Variants in MBP observed in about 807,000 individuals in gnomAD.
The protein encoded by MBP is myelin basic protein.
MBP carries 16 observed loss-of-function variants against 35.8 expected under a neutral mutation model. That is an observed-to-expected ratio of 0.45 (90% CI 0.30 to 0.68). The LOEUF is 0.68. Among genes scored for constraint, MBP ranks in the 30% least tolerant of loss-of-function variants. The probability of loss-of-function intolerance (pLI) is 0.08; values close to 1 mark genes in which losing one functional copy is unlikely to be tolerated. For missense variants in MBP, 380 were observed against 404.7 expected, an observed-to-expected ratio of 0.94 and a Z score of 0.52; for synonymous variants, 143 against 159.6, an observed-to-expected ratio of 0.90 and a Z score of 0.78.
At chr18:77,123,215 T>C (rs8093194) in intron 1 of MBP, among the ~76,000 whole-genome samples, 6,322 of 152,268 alleles carry the variant, frequency 0.042, 329 homozygotes, top group African/African-American at 0.11. Flanking sequence ...TTAGCAAACA[T>C]GGTAGCTTTC....
chr18:77,049,271 G>A (rs776818994), intron 3 of MBP, among the ~76,000 whole-genome samples: 25 of 152,126 alleles, frequency 1.6e-4, no homozygotes, highest in South Asian at 1.5e-3. Flanking sequence ...TGCCTGACGC[G>A]GTTTCTGGGG....
At chr18:77,115,396 TGTCGTCTGG>T (rs1976627749) in intron 1 of MBP, 1 of 152,232 alleles carries the variant, frequency 6.6e-6, no homozygotes, top group African/African-American at 2.4e-5. Flanking sequence ...ACATAAGAGC[TGTCGTCTGG>T]GTCTTGGCTA....
intron 3 of MBP, among the ~76,000 whole-genome samples, chr18:77,053,862 T>C (rs1157553207): frequency 6.6e-6 from 1 of 152,250 alleles, no homozygotes; most frequent in Non-Finnish European, 1.5e-5. Context: ...AACAGACAGA[T>C]GTCCCTGCCT....
chr18:77,130,325 C>T (rs139385648), intron 1 of MBP, among the ~76,000 whole-genome samples: 1 of 152,092 alleles, frequency 6.6e-6, no homozygotes, highest in African/African-American at 2.4e-5. Context: ...GCAGACTCCC[C>T]GGATGGAATC....
chr18:77,023,664 C>T (rs146083942), intron 3 of MBP, among the ~76,000 whole-genome samples: 171 of 152,286 alleles, frequency 1.1e-3, no homozygotes, highest in African/African-American at 3.9e-3. Flanking sequence ...CCTTGTTCTC[C>T]TCCGTGGCGC....
chr18:77,084,493 AGCAACT>A (rs1975141833), intron 2 of MBP, among the ~76,000 whole-genome samples: 1 of 145,310 alleles, frequency 6.9e-6, no homozygotes, highest in Non-Finnish European at 1.5e-5. Context: ...ACAGTTGCCC[AGCAACT>A]GCCTGTCCGG....
intron 3 of MBP, among the ~76,000 whole-genome samples, chr18:77,021,372 T>C (rs1365851996): frequency 6.6e-6 from 1 of 152,150 alleles, no homozygotes; most frequent in African/African-American, 2.4e-5. Flanking sequence ...AAATGCAATT[T>C]CCTCTTGCAT....
At chr18:77,012,105 AG>A (rs1971387271) in intron 4 of MBP, among the ~76,000 whole-genome samples, 1 of 152,262 alleles carries the variant, frequency 6.6e-6, no homozygotes. Context: ...GGGACATGAA[AG>A]GCAGGACCGC....
intron 7 of MBP, chr18:76,986,982 C>T: frequency 1.0e-6 from 1 of 985,442 alleles, no homozygotes; most frequent in Non-Finnish European, 1.2e-6. Flanking sequence ...AGTCCTGCGG[C>T]TCTGGGAAAC....
chr18:77,108,665 C>G (rs1047841894), intron 1 of MBP: 9 of 152,360 alleles, frequency 5.9e-5, no homozygotes, highest in African/African-American at 2.2e-4. Flanking sequence ...AGGAAGCAGT[C>G]CACTGTTGTT....
At chr18:77,050,555 T>C (rs1476141783) in intron 3 of MBP, among the ~76,000 whole-genome samples, 1 of 152,196 alleles carries the variant, frequency 6.6e-6, no homozygotes, top group South Asian at 2.1e-4. Flanking sequence ...TTAATTAATT[T>C]ATTATTTTTG....
At chr18:77,007,489 G>C (rs951113372) in intron 4 of MBP, among the ~76,000 whole-genome samples, 8 of 152,226 alleles carry the variant, frequency 5.3e-5, no homozygotes, top group African/African-American at 1.4e-4. Context: ...GGAGGGAGAA[G>C]TTGAGGCCTC....
intron 4 of MBP, among the ~76,000 whole-genome samples, chr18:76,991,102 C>T (rs751360924): frequency 6.3e-4 from 96 of 152,182 alleles, no homozygotes; most frequent in Non-Finnish European, 1.2e-3. Flanking sequence ...GCAGGCAGCT[C>T]ATGGGCTTTG....
chr18:77,004,168 G>A (rs992782049), intron 4 of MBP: 3 of 151,926 alleles, frequency 2.0e-5, no homozygotes, highest in African/African-American at 4.8e-5. Flanking sequence ...TGGCAATTCC[G>A]AGAAATCACA....
chr18:77,112,169 G>GCACACACACACACACACACACACA (rs6146398), intron 1 of MBP, among the ~76,000 whole-genome samples: 28 of 150,994 alleles, frequency 1.9e-4, no homozygotes, highest in Admixed American at 8.6e-4. Flanking sequence ...CCGTGCACAC[G>GCACACACACACACACACACACACA]CACACACACA....
chr18:77,009,832 ACCCGC>A, intron 4 of MBP: 1 of 1,557,910 alleles, frequency 6.4e-7, no homozygotes, highest in Non-Finnish European at 8.7e-7. Context: ...ATGGGTGAGG[ACCCGC>A]CGGCGTCTTA....
intron 7 of MBP, chr18:76,987,176 G>A (rs1003670360): frequency 9.1e-6 from 9 of 985,456 alleles, no homozygotes; most frequent in Non-Finnish European, 1.1e-5. Flanking sequence ...GATCCGGCAC[G>A]ACGGCCCCAA....
chr18:76,984,885 C>T lies in MBP; in HGVS notation c.760G>A (p.Gly254Ser). The change falls in exon 8 of 9, where the codon GGC (glycine) becomes AGC (serine). Residue 254 changes from glycine to serine, a missense_variant. Coordinates refer to ENST00000355994, the MANE Select transcript of MBP (RefSeq NM_001025101.2). The part of the protein sequence containing the change: ...SLSRFSWGAE[G>S]QRPGFGYGGR... The stretch of plus-strand genomic sequence containing the variant: ...CCGTAGCCAAATCCTGGTCTCTGGC[C>T]TTCGGCCCCCTGCAAGAGAAGACCA... 6.2e-7 allele frequency: 1 copy of T among 1,613,416 alleles called. No individual in the cohort carries two copies. The highest frequency in any genetic ancestry group is 8.5e-7 in the Non-Finnish European group (1 of 1,180,030).
Position 77,040,268 on chromosome 18 carries a change from A to G in MBP, c.140-23000T>C, listed in dbSNP as rs188795218. Among the ~76,000 whole-genome samples, 723 of 152,348 alleles carry G rather than the reference A, an allele frequency of 4.7e-3. 4 individuals carry two copies. Among genetic ancestry groups the G allele is most frequent in the African/African-American group, 0.017 (691 of 41,570 alleles). On this transcript the variant is annotated intron_variant, in intron 3 of 8. Transcript: ENST00000355994. ...AAGGAGAACTACAAACCACTGCTCA[A>G]TGAAATAAAAGAGGATACAAACAAA... is the stretch of plus-strand genomic sequence containing the variant.
Sources: allele counts gnomAD v4.1 joint callset (sites outside exome capture counted in the v4.1 genomes callset), GRCh38; gene constraint gnomAD v4.1.1; transcripts MANE v1.5; gene names NCBI Gene and HGNC (gene_info 2026-07-23, HGNC 2026-07-21).